Variants in BRI3BP observed in about 807,000 individuals in gnomAD.
BRI3BP encodes BRI3-binding protein.
A neutral mutation model predicts 15.8 loss-of-function variants in BRI3BP; 7 were observed. The ratio of observed to expected loss-of-function variants is 0.44; its 90% CI spans 0.25 to 0.83. The LOEUF is 0.83. Among genes scored for constraint, BRI3BP ranks in the 40% least tolerant of loss-of-function variants. The pLI, the probability that BRI3BP is intolerant of heterozygous loss-of-function variation, is 0.20. For synonymous variants in BRI3BP, 192 were observed against 163.5 expected (o/e 1.17, Z -1.33); for missense variants, 320 against 339.3 (o/e 0.94, Z 0.45).
chr12:125,000,460 C>A (rs1349907783), intron 1 of BRI3BP, among the ~76,000 whole-genome samples: 7 of 151,650 alleles, frequency 4.6e-5, no homozygotes, highest in Non-Finnish European at 1.0e-4. Flanking sequence ...ACTACAGACG[C>A]CCACCACCAC....
chr12:125,010,927 C>G (rs141094976), intron 1 of BRI3BP, among the ~76,000 whole-genome samples: 1 of 151,826 alleles, frequency 6.6e-6, no homozygotes, highest in Non-Finnish European at 1.5e-5. Flanking sequence ...AACCCCGTCT[C>G]TACTAAAAAT....
chr12:125,039,263 C>T, the BRI3BP span, among the ~76,000 whole-genome samples: 1 of 152,168 alleles, frequency 6.6e-6, no homozygotes, highest in Non-Finnish European at 1.5e-5. Flanking sequence ...GCAAGGCCCA[C>T]GGGTTCCCTC....
intron 1 of BRI3BP, among the ~76,000 whole-genome samples, chr12:124,999,480 G>A (rs1955066190): frequency 1.3e-5 from 2 of 152,162 alleles, no homozygotes; most frequent in African/African-American, 4.8e-5. Flanking sequence ...CTGGAGTGCA[G>A]TAGCTCAATC....
the BRI3BP span, among the ~76,000 whole-genome samples, chr12:125,039,841 A>C: frequency 1.3e-5 from 2 of 152,280 alleles, no homozygotes; most frequent in South Asian, 4.1e-4. Flanking sequence ...TTCTCTCATG[A>C]ATGTACAATG....
At chr12:125,049,853 T>C in the BRI3BP span, among the ~76,000 whole-genome samples, 2 of 151,118 alleles carry the variant, frequency 1.3e-5, no homozygotes, top group East Asian at 2.0e-4. Context: ...CGCCCGGGCG[T>C]TGGGGTCGCG....
chr12:125,025,684 A>G lies in BRI3BP; in HGVS notation c.*254A>G. 2.1e-6 allele frequency: 1 copy of G among 466,456 alleles called. No individual in the cohort carries two copies. The allele number at this position is 466,456 out of a possible 1,614,324, so 28.9% of individuals were successfully genotyped here. On this transcript the variant is annotated 3_prime_UTR_variant, in exon 3 of 3. Transcript: ENST00000341446. ...AAATATTTTTTAAACAAAGGATATA[A>G]CCATATTTAGTTGTACAGTAAGAGA... is the stretch of plus-strand genomic sequence containing the variant.
At chr12:125,006,137 C>A (rs1418620027) in intron 1 of BRI3BP, among the ~76,000 whole-genome samples, 1 of 152,146 alleles carries the variant, frequency 6.6e-6, no homozygotes, top group East Asian at 1.9e-4. Context: ...TCAGCTTAAT[C>A]ACCTCTGTAA....
chr12:125,025,668 T>G lies in BRI3BP; in HGVS notation c.*238T>G. ...TAATTAGTGGGGGAAAAAATATTTT[T>G]TAAACAAAGGATATAACCATATTTA... On this transcript the variant is annotated 3_prime_UTR_variant, in exon 3 of 3. Coordinates refer to ENST00000341446, the MANE Select transcript of BRI3BP (RefSeq NM_080626.6). 2.0e-6 allele frequency: 1 copy of G among 509,126 alleles called. No individual in the cohort carries two copies. The highest frequency in any genetic ancestry group is 3.4e-6 in the Non-Finnish European group (1 of 290,466). 31.5% of individuals were successfully genotyped at this position (509,126 alleles called of 1,614,324 possible).
chr12:125,001,434 G>A (rs12422239), intron 1 of BRI3BP, among the ~76,000 whole-genome samples: 9,213 of 152,002 alleles, frequency 0.061, 417 homozygotes, highest in Admixed American at 0.14. Context: ...GTCTCGGCTC[G>A]GTGCAACCTC....
the BRI3BP span, among the ~76,000 whole-genome samples, chr12:125,037,911 A>G: frequency 4.6e-5 from 7 of 152,248 alleles, no homozygotes; most frequent in East Asian, 1.9e-4. Flanking sequence ...ACACGTGTGT[A>G]TGTGCATTTG....
At chr12:125,008,336 A>T (rs1352321889) in intron 1 of BRI3BP, among the ~76,000 whole-genome samples, 3 of 127,604 alleles carry the variant, frequency 2.4e-5, no homozygotes, top group Middle Eastern at 0.011. Context: ...TTTTTGAGAC[A>T]GAGTCTCGCT....
intron 2 of BRI3BP, among the ~76,000 whole-genome samples, chr12:125,013,202 A>G (rs1273162875): frequency 6.6e-6 from 1 of 152,220 alleles, no homozygotes; most frequent in Non-Finnish European, 1.5e-5. Flanking sequence ...CACATGGACC[A>G]GAGGTATAGT....
chr12:125,050,041 T>C, the BRI3BP span, among the ~76,000 whole-genome samples: 1 of 152,158 alleles, frequency 6.6e-6, no homozygotes, highest in East Asian at 1.9e-4. Flanking sequence ...ATTCAGACTC[T>C]TGCGTGACAC....
At chr12:125,010,339 T>C (rs7976071) in intron 1 of BRI3BP, among the ~76,000 whole-genome samples, 7 of 152,066 alleles carry the variant, frequency 4.6e-5, no homozygotes, top group Non-Finnish European at 8.8e-5. Context: ...TTTGAACCCA[T>C]GCAGTCGACA....
At chr12:125,047,235 G>A in the BRI3BP span, among the ~76,000 whole-genome samples, 3 of 151,432 alleles carry the variant, frequency 2.0e-5, no homozygotes, top group Non-Finnish European at 2.9e-5. Context: ...TGCAAGCTCC[G>A]CCTCCCAGGT....
rs1383964484 is a variant in BRI3BP at position 125,028,583 on chromosome 12, A to C, written c.*3153A>C. 6.6e-6 allele frequency: 1 copy of C among 152,188 alleles called. No homozygotes were observed. Among genetic ancestry groups the C allele is most frequent in the Non-Finnish European group, 1.5e-5 (1 of 68,034 alleles). 9.4% of individuals were successfully genotyped at this position (152,188 alleles called of 1,614,324 possible). On this transcript the variant is annotated 3_prime_UTR_variant, in exon 3 of 3. Coordinates refer to ENST00000341446, the MANE Select transcript of BRI3BP (RefSeq NM_080626.6). ...TCTGGTGAAAGATGTCTTCATTTTTAATGAAAGAACCTACAGTTAGTAGGT... is the reference window on the plus strand; with the variant it reads ...TCTGGTGAAAGATGTCTTCATTTTTCATGAAAGAACCTACAGTTAGTAGGT...
In BRI3BP at chr12:125,025,127, C is replaced by T; in HGVS notation, c.453C>T (p.His151=). ...TGGGCTTCACTTTCAGCGTCCTGCA[C>T]GTGGTGTTCGGCCGCTTCTTCTGGA... is the stretch of plus-strand genomic sequence containing the variant. ...LTLGFTFSVL[H]VVFGRFFWIV... is the part of the protein sequence containing the mutation. The change falls in exon 3 of 3, where the codon CAC becomes CAT. Residue 151 remains histidine (H), a synonymous_variant. Transcript: ENST00000341446. The T allele has an allele frequency of 5.0e-6, 8 of 1,614,068 alleles. No individual in the cohort carries two copies. The highest frequency in any genetic ancestry group is 1.7e-5 in the Admixed American group (1 of 60,016).
At chr12:125,008,981 T>A (rs767437926) in intron 1 of BRI3BP, among the ~76,000 whole-genome samples, 2,609 of 149,254 alleles carry the variant, frequency 0.017, 28 homozygotes, top group South Asian at 0.04. Flanking sequence ...CTATGAAAAT[T>A]TTTTTTTTTT....
chr12:125,025,145 C>A lies in BRI3BP; in HGVS notation c.471C>A (p.Phe157Leu). 6.2e-7 allele frequency: 1 copy of A among 1,614,200 alleles called. No homozygotes were observed. ...TCCTGCACGTGGTGTTCGGCCGCTT[C>A]TTCTGGATCGTGCGGGTCGTCCTGT... ...FSVLHVVFGR[F>L]FWIVRVVLFS... Residue 157 changes from phenylalanine (F) to leucine (L), a missense_variant, in exon 3 of 3, where the codon TTC becomes TTA. Phe to Leu is a conservative substitution (Grantham distance 22, BLOSUM62 0). Transcript: ENST00000341446.
Sources: gnomAD v4.1 joint callset for allele counts (sites outside exome capture counted in the v4.1 genomes callset) on GRCh38, gnomAD v4.1.1 for gene constraint, MANE v1.5 for transcripts, NCBI Gene and HGNC (gene_info 2026-07-23, HGNC 2026-07-21) for gene names.